TSPAN3: variants seen among roughly 807,000 people sequenced by gnomAD.
The protein encoded by TSPAN3 is tetraspanin 3, also known as tetraspanin-3.
A neutral mutation model predicts 31.1 loss-of-function variants in TSPAN3; 9 were observed. The ratio of observed to expected loss-of-function variants is 0.29; its 90% CI spans 0.17 to 0.50. The LOEUF (loss-of-function observed/expected upper bound fraction) is 0.50. TSPAN3 is among the 20% of genes least tolerant of loss of function. TSPAN3 has a pLI of 0.98. For synonymous variants in TSPAN3, 129 were observed against 114.3 expected, an observed-to-expected ratio of 1.13 and a Z score of -0.82; for missense variants, 252 against 313.5, an observed-to-expected ratio of 0.80 and a Z score of 1.48.
intron 6 of TSPAN3, among the ~76,000 whole-genome samples, chr15:77,049,291 C>T (rs1266089737): frequency 1.3e-5 from 2 of 152,082 alleles, no homozygotes; most frequent in Admixed American, 1.3e-4. Flanking sequence ...ACATGCGGCA[C>T]AGAGACCAGA....
intron 1 of TSPAN3, among the ~76,000 whole-genome samples, chr15:77,070,476 G>A (rs933050141): frequency 2.0e-5 from 3 of 152,076 alleles, no homozygotes; most frequent in Non-Finnish European, 4.4e-5. Context: ...TCGTCTGCGA[G>A]GCCCCGACAA....
At chr15:77,069,276 T>C (rs1005440276) in intron 1 of TSPAN3, among the ~76,000 whole-genome samples, 1 of 152,142 alleles carries the variant, frequency 6.6e-6, no homozygotes, top group African/African-American at 2.4e-5. Context: ...TATGGATGCA[T>C]AAGTAGCAGT....
intron 1 of TSPAN3, chr15:77,064,963 C>T (rs915970012): frequency 5.3e-5 from 8 of 152,210 alleles, no homozygotes; most frequent in Admixed American, 3.3e-4. Context: ...AAGGGAGAAC[C>T]ACACTTGAAA....
At chr15:77,065,102 GTC>G (rs1282145881) in intron 1 of TSPAN3, among the ~76,000 whole-genome samples, 2 of 152,122 alleles carry the variant, frequency 1.3e-5, no homozygotes, top group African/African-American at 4.8e-5. Context: ...AATCCCCCCA[GTC>G]TCCCAATCTC....
intron 1 of TSPAN3, among the ~76,000 whole-genome samples, chr15:77,066,956 AT>A (rs1469190062): frequency 6.6e-6 from 1 of 152,114 alleles, no homozygotes; most frequent in African/African-American, 2.4e-5. Context: ...GGCCCAGGAC[AT>A]CACACGTGGT....
chr15:77,050,622 T>C (rs2076724425), intron 6 of TSPAN3, among the ~76,000 whole-genome samples: 1 of 152,254 alleles, frequency 6.6e-6, no homozygotes, highest in African/African-American at 2.4e-5. Flanking sequence ...CAAAACTTTT[T>C]TGCTGCATGC....
intron 6 of TSPAN3, among the ~76,000 whole-genome samples, chr15:77,047,749 T>C (rs931244747): frequency 4.6e-5 from 7 of 152,222 alleles, no homozygotes; most frequent in African/African-American, 1.4e-4. Flanking sequence ...ATTTTTGACC[T>C]ACCTTCTCCC....
intron 1 of TSPAN3, among the ~76,000 whole-genome samples, chr15:77,068,564 C>T (rs940228366): frequency 3.3e-5 from 5 of 152,146 alleles, no homozygotes; most frequent in Admixed American, 1.3e-4. Context: ...ATAGTTATGG[C>T]CATAAATTCA....
In TSPAN3 at chr15:77,042,852, C is replaced by T. The variant is rs1426180811; in HGVS notation, c.*3983G>A. ...TTAGTTGAAAAGAAAAAAACAGTAA[C>T]CATGCTATGGAGAAAGTGGACACAC... On this transcript the variant is annotated 3_prime_UTR_variant, in exon 7 of 7. Transcript: ENST00000267970. 6.6e-6 allele frequency: 1 copy of T among 152,066 alleles called. No individual in the cohort carries two copies. Among genetic ancestry groups the T allele is most frequent in the African/African-American group, 2.4e-5 (1 of 41,400 alleles). The allele number at this position is 152,066 out of a possible 1,614,324, so 9.4% of individuals were successfully genotyped here.
intron 6 of TSPAN3, among the ~76,000 whole-genome samples, chr15:77,048,862 T>C (rs896681864): frequency 6.6e-6 from 1 of 152,168 alleles, no homozygotes; most frequent in African/African-American, 2.4e-5. Context: ...TTCTATGATA[T>C]ACCATGTTGC....
At chr15:77,050,069 T>C (rs1024873486) in intron 6 of TSPAN3, among the ~76,000 whole-genome samples, 1 of 152,126 alleles carries the variant, frequency 6.6e-6, no homozygotes. Context: ...TCTCCAACCA[T>C]CCTCTCCAGC....
At chr15:77,052,740 A>T (rs1216189392) in intron 5 of TSPAN3, 37 bp downstream of exon 5, 1 of 1,600,258 alleles carries the variant, frequency 6.2e-7, no homozygotes, top group Admixed American at 1.7e-5. Flanking sequence ...AAAACAGGTT[A>T]ATCAAGCTAG....
At chr15:77,059,944 C>A (rs989519846) in intron 1 of TSPAN3, among the ~76,000 whole-genome samples, 1 of 152,138 alleles carries the variant, frequency 6.6e-6, no homozygotes, top group Admixed American at 6.5e-5. Context: ...GCCTCTCCCC[C>A]CTAAAAGAGG....
At chr15:77,069,120 G>C (rs1005199622) in intron 1 of TSPAN3, among the ~76,000 whole-genome samples, 1 of 151,990 alleles carries the variant, frequency 6.6e-6, no homozygotes, top group Non-Finnish European at 1.5e-5. Context: ...TATTATTCTG[G>C]GCTCTCAGGT....
At chr15:77,047,421 A>G (rs2076701047) in intron 6 of TSPAN3, among the ~76,000 whole-genome samples, 1 of 152,228 alleles carries the variant, frequency 6.6e-6, no homozygotes, top group South Asian at 2.1e-4. Context: ...TGTGTTTAAT[A>G]GTGGTCTTTT....
intron 4 of TSPAN3, among the ~76,000 whole-genome samples, chr15:77,053,358 G>C (rs959183905): frequency 1.4e-5 from 2 of 145,792 alleles, no homozygotes; most frequent in Non-Finnish European, 3.0e-5. Flanking sequence ...TGAGGCAGGA[G>C]AATCACTTGA....
At chr15:77,058,781 T>C (rs1159868840) in intron 1 of TSPAN3, among the ~76,000 whole-genome samples, 5 of 152,250 alleles carry the variant, frequency 3.3e-5, no homozygotes, top group Admixed American at 2.6e-4. Flanking sequence ...GGTTTGTATT[T>C]GTATTTGGTT....
chr15:77,066,892 A>C (rs1408176885), intron 1 of TSPAN3, among the ~76,000 whole-genome samples: 1 of 152,144 alleles, frequency 6.6e-6, no homozygotes, highest in Non-Finnish European at 1.5e-5. Flanking sequence ...GAGGCTGAGA[A>C]GTTCAAGGTC....
intron 1 of TSPAN3, among the ~76,000 whole-genome samples, chr15:77,068,963 T>C (rs1488789435): frequency 6.6e-6 from 1 of 152,260 alleles, no homozygotes; most frequent in South Asian, 2.1e-4. Flanking sequence ...GCAAGTGTCT[T>C]TATAACAGAA....
Sources: allele counts gnomAD v4.1 joint callset (sites outside exome capture counted in the v4.1 genomes callset), GRCh38; gene constraint gnomAD v4.1.1; transcripts MANE v1.5; gene names NCBI Gene and HGNC (gene_info 2026-07-23, HGNC 2026-07-21).